The following CACNB4 variants were observed in gnomAD, a reference collection of about 807,000 sequenced individuals.
The protein encoded by CACNB4 is calcium voltage-gated channel auxiliary subunit beta 4.
A neutral mutation model predicts 71.2 loss-of-function variants in CACNB4; 32 were observed. The ratio of observed to expected loss-of-function variants is 0.45; its 90% CI spans 0.34 to 0.60. The LOEUF (loss-of-function observed/expected upper bound fraction) is 0.60, where lower values mean the gene tolerates loss of function less well. Ranked by LOEUF, CACNB4 falls within the 20% of genes least tolerant of loss-of-function variation. CACNB4 has a pLI of 0.01. For synonymous variants in CACNB4, 231 were observed against 236.9 expected, an observed-to-expected ratio of 0.97 and a Z score of 0.23; for missense variants, 464 against 647.9, an observed-to-expected ratio of 0.72 and a Z score of 3.08.
At chr2:152,026,536 C>T (rs567803971) in intron 2 of CACNB4, among the ~76,000 whole-genome samples, 1 of 152,166 alleles carries the variant, frequency 6.6e-6, no homozygotes, top group African/African-American at 2.4e-5. Context: ...AGGTGCATGC[C>T]ACCACGCGCA....
chr2:151,995,016 T>A (rs1681959929), intron 2 of CACNB4, among the ~76,000 whole-genome samples: 1 of 152,160 alleles, frequency 6.6e-6, no homozygotes, highest in Non-Finnish European at 1.5e-5. Context: ...TTGATGCTGA[T>A]CAAACAAGGA....
chr2:152,017,182 A>T (rs1350552593), intron 2 of CACNB4, among the ~76,000 whole-genome samples: 1 of 150,038 alleles, frequency 6.7e-6, no homozygotes, highest in Non-Finnish European at 1.5e-5. Flanking sequence ...AGGCTGTTTA[A>T]TGAAAATGTA....
intron 2 of CACNB4, among the ~76,000 whole-genome samples, chr2:152,085,810 C>T (rs1237761206): frequency 4.8e-5 from 6 of 124,320 alleles, no homozygotes; most frequent in African/African-American, 1.6e-4. Flanking sequence ...CTGCTGCAGC[C>T]ATTAAAAAAA....
At chr2:151,961,896 A>G (rs1385391958) in intron 2 of CACNB4, among the ~76,000 whole-genome samples, 1 of 42,334 alleles carries the variant, frequency 2.4e-5, no homozygotes, top group East Asian at 2.1e-4. Flanking sequence ...TGTCTCAAAA[A>G]AAATAAAAAA....
intron 2 of CACNB4, among the ~76,000 whole-genome samples, chr2:152,041,034 C>T (rs1213053487): frequency 6.6e-6 from 1 of 152,186 alleles, no homozygotes; most frequent in African/African-American, 2.4e-5. Flanking sequence ...TGACCTCAGC[C>T]TTTTGGGCCC....
intron 2 of CACNB4, among the ~76,000 whole-genome samples, chr2:151,955,458 A>G (rs2099868016): frequency 6.6e-6 from 1 of 152,210 alleles, no homozygotes; most frequent in Non-Finnish European, 1.5e-5. Flanking sequence ...GTTTGCAGAA[A>G]TAAGATGCAG....
chr2:151,891,701 T>C (rs1357521966), intron 2 of CACNB4, among the ~76,000 whole-genome samples: 1 of 152,196 alleles, frequency 6.6e-6, no homozygotes, highest in African/African-American at 2.4e-5. Flanking sequence ...ACACCCATGA[T>C]CATTTTTGCA....
At chr2:152,001,211 T>C (rs987182122) in intron 2 of CACNB4, among the ~76,000 whole-genome samples, 1 of 152,040 alleles carries the variant, frequency 6.6e-6, no homozygotes, top group Non-Finnish European at 1.5e-5. Context: ...CTCCTGCCTC[T>C]TGCCTCTCAA....
chr2:151,885,913 T>C (rs563220878), intron 2 of CACNB4, among the ~76,000 whole-genome samples: 7 of 152,232 alleles, frequency 4.6e-5, no homozygotes, highest in African/African-American at 1.7e-4. Flanking sequence ...TTTGTCTGAG[T>C]TTAGGTATAG....
At chr2:152,012,422 G>A (rs1579125622) in intron 2 of CACNB4, among the ~76,000 whole-genome samples, 1 of 152,094 alleles carries the variant, frequency 6.6e-6, no homozygotes, top group Non-Finnish European at 1.5e-5. Context: ...TGACCAACAT[G>A]GTGAAACGCA....
intron 2 of CACNB4, among the ~76,000 whole-genome samples, chr2:152,069,554 C>T (rs1173736555): frequency 6.6e-6 from 1 of 150,856 alleles, no homozygotes; most frequent in Non-Finnish European, 1.5e-5. Flanking sequence ...CACACATACC[C>T]TCCACACTGG....
At chr2:152,064,826 A>G (rs1686215600) in intron 2 of CACNB4, among the ~76,000 whole-genome samples, 1 of 152,186 alleles carries the variant, frequency 6.6e-6, no homozygotes, top group Non-Finnish European at 1.5e-5. Flanking sequence ...AAGAAACTAG[A>G]CCATAAAATC....
chr2:151,946,726 G>A (rs1433827995), intron 2 of CACNB4, among the ~76,000 whole-genome samples: 1 of 152,060 alleles, frequency 6.6e-6, no homozygotes, highest in East Asian at 1.9e-4. Flanking sequence ...TGGAAAGCAG[G>A]GCCAGCATGT....
chr2:151,876,485 TGGACTTG>T lies in CACNB4; in HGVS notation c.455_461del (p.Pro152HisfsTer53). 1 of 1,606,910 alleles carries T rather than the reference TGGACTTG, an allele frequency of 6.2e-7. No homozygotes were observed. ...GGATCCGTATGTTCTCCAATCTGAG[TGGACTTG>T]GAATGAAGCCAATTTCACAGCCCTC... On this transcript the variant is annotated frameshift_variant, in exon 5 of 14. Coordinates refer to ENST00000539935, the MANE Select transcript of CACNB4 (RefSeq NM_000726.5). LOFTEE classifies it high-confidence loss of function.
At chr2:151,886,380 T>G (rs2099849370) in intron 2 of CACNB4, among the ~76,000 whole-genome samples, 1 of 152,156 alleles carries the variant, frequency 6.6e-6, no homozygotes, top group Admixed American at 6.6e-5. Context: ...GAATACACAC[T>G]CCACTACTGC....
At chr2:152,013,695 A>G (rs938877921) in intron 2 of CACNB4, among the ~76,000 whole-genome samples, 5 of 152,192 alleles carry the variant, frequency 3.3e-5, no homozygotes, top group African/African-American at 1.2e-4. Flanking sequence ...TCATGCAACC[A>G]TTACCAAGGA....
chr2:152,072,696 A>G (rs537878052), intron 2 of CACNB4, among the ~76,000 whole-genome samples: 89 of 150,856 alleles, frequency 5.9e-4, no homozygotes, highest in Non-Finnish European at 1.0e-3. Context: ...GTTGGAGTGC[A>G]GTGGCATGGT....
At chr2:151,868,910 A>T (rs1303105149) in intron 9 of CACNB4, 4 of 203,412 alleles carry the variant, frequency 2.0e-5, no homozygotes, top group Non-Finnish European at 3.9e-5. Flanking sequence ...TTTTGGTATG[A>T]AATTATTAAT....
At position 152,073,361 on chromosome 2, in the gene CACNB4, A is replaced by G. The variant is rs760117182; in HGVS notation, c.147+24969T>C. 3.3e-5 allele frequency among the ~76,000 whole-genome samples: 5 copies of G among 152,152 alleles called. 1 individual carries two copies. The highest frequency in any genetic ancestry group is 7.3e-5 in the Non-Finnish European group (5 of 68,030). On this transcript the variant is annotated intron_variant, in intron 2 of 13. Transcript: ENST00000539935. ...CTCTCCAACCCTCACCCATCACCCC[A>G]TGCCAAATTCAATATACCTAGAAGC...
Sources: gnomAD v4.1 joint callset for allele counts (sites outside exome capture counted in the v4.1 genomes callset) on GRCh38, gnomAD v4.1.1 for gene constraint, MANE v1.5 for transcripts, NCBI Gene and HGNC (gene_info 2026-07-23, HGNC 2026-07-21) for gene names.